The following SDK1 variants were observed in gnomAD, a reference collection of about 807,000 sequenced individuals.
The protein encoded by SDK1 is protein sidekick-1.
SDK1 carries 157 observed loss-of-function variants against 245.5 expected under a neutral mutation model. The ratio of observed to expected loss-of-function variants is 0.64; its 90% CI spans 0.56 to 0.73. The LOEUF is 0.73. Among genes scored for constraint, SDK1 ranks in the 30% least tolerant of loss-of-function variants. SDK1 has a pLI of 0.00. For missense variants in SDK1, 3,583 were observed against 3,002.3 expected (o/e 1.19, Z -4.52); for synonymous variants, 1,647 against 1,278.5 (o/e 1.29, Z -6.15).
chr7:3,425,131 TA>T (rs1438025264), intron 1 of SDK1, among the ~76,000 whole-genome samples: 8 of 129,736 alleles, frequency 6.2e-5, no homozygotes. Context: ...TTTTTTTTTT[TA>T]AGTAGTAGAC....
intron 44 of SDK1, among the ~76,000 whole-genome samples, chr7:4,250,520 T>C (rs1787227163): frequency 6.6e-6 from 1 of 152,156 alleles, no homozygotes; most frequent in African/African-American, 2.4e-5. Context: ...ATTTTTGGTA[T>C]TTTTATTAGA....
intron 1 of SDK1, among the ~76,000 whole-genome samples, chr7:3,614,373 C>T (rs984249097): frequency 1.3e-5 from 2 of 152,084 alleles, no homozygotes; most frequent in Non-Finnish European, 2.9e-5. Flanking sequence ...GCTCATTTTC[C>T]TGAGGAAGGG....
Position 4,267,615 on chromosome 7 carries a change from C to T in SDK1, c.*2231C>T, listed in dbSNP as rs867856690. The T allele has an allele frequency of 1.0e-6, 1 of 985,470 alleles. No homozygotes were observed. The highest frequency in any genetic ancestry group is 1.2e-6 in the Non-Finnish European group (1 of 829,944). The allele number at this position is 985,470 out of a possible 1,614,324, so 61.0% of individuals were successfully genotyped here. ...CTTTCTGTGCACTCTGATGACTGCT[C>T]TCTGCAGCCATGAGGATGTGGCTTT... On this transcript the variant is annotated 3_prime_UTR_variant, in exon 45 of 45. Coordinates refer to ENST00000404826, the MANE Select transcript of SDK1 (RefSeq NM_152744.4).
chr7:3,766,436 T>A (rs1780254749), intron 4 of SDK1, among the ~76,000 whole-genome samples: 1 of 152,162 alleles, frequency 6.6e-6, no homozygotes, highest in African/African-American at 2.4e-5. Flanking sequence ...TTAATCCAGC[T>A]CCCCTACACC....
intron 17 of SDK1, among the ~76,000 whole-genome samples, chr7:4,039,812 T>C (rs1221284776): frequency 6.6e-6 from 1 of 152,164 alleles, no homozygotes; most frequent in Non-Finnish European, 1.5e-5. Flanking sequence ...ACATCATCAC[T>C]AGCCAGAAAC....
rs371722270 is a variant in SDK1, at chr7:3,387,738, A to G, written c.298+85854A>G. ...GGTGGTAATCTTTTGTTACCTGTCT[A>G]TTACCACAATAAAAATGGAAAAATA... On this transcript the variant is annotated intron_variant, in intron 1 of 44. Transcript: ENST00000404826. Among the ~76,000 whole-genome samples, 158 of 152,350 alleles carry G rather than the reference A, an allele frequency of 1.0e-3. 4 individuals are homozygous for G. The South Asian group carries it at 0.032, about 31-fold the overall frequency.
At chr7:3,851,593 C>T (rs1289537718) in intron 5 of SDK1, among the ~76,000 whole-genome samples, 2 of 152,154 alleles carry the variant, frequency 1.3e-5, no homozygotes, top group African/African-American at 2.4e-5. Flanking sequence ...CCAATCATGC[C>T]GGTGTTATGA....
chr7:3,861,753 C>G (rs570733747), intron 5 of SDK1, among the ~76,000 whole-genome samples: 1 of 152,222 alleles, frequency 6.6e-6, no homozygotes, highest in East Asian at 1.9e-4. Context: ...AAGTAGCAAA[C>G]TTCACATGGC....
chr7:4,196,178 G>A (rs959877712), intron 35 of SDK1, among the ~76,000 whole-genome samples: 10 of 152,254 alleles, frequency 6.6e-5, no homozygotes, highest in Admixed American at 6.5e-4. Flanking sequence ...TCAAGGCCTC[G>A]GCTTGCTTGG....
chr7:3,312,797 A>G (rs1489067634), intron 1 of SDK1, among the ~76,000 whole-genome samples: 1 of 152,184 alleles, frequency 6.6e-6, no homozygotes, highest in African/African-American at 2.4e-5. Context: ...GAAAGAGGAA[A>G]TAGAGTAGGA....
At chr7:4,156,686 A>C (rs1032002976) in intron 30 of SDK1, among the ~76,000 whole-genome samples, 1 of 152,222 alleles carries the variant, frequency 6.6e-6, no homozygotes, top group Admixed American at 6.5e-5. Context: ...TAAAAAGCAG[A>C]ATCCTTCCTT....
At chr7:4,001,983 G>A (rs1210328065) in intron 14 of SDK1, among the ~76,000 whole-genome samples, 4 of 152,192 alleles carry the variant, frequency 2.6e-5, no homozygotes, top group South Asian at 2.1e-4. Context: ...TCATCTGGGG[G>A]CCCTCGCAGT....
intron 14 of SDK1, among the ~76,000 whole-genome samples, chr7:3,991,253 C>T (rs1784292181): frequency 6.6e-6 from 1 of 152,144 alleles, no homozygotes; most frequent in Non-Finnish European, 1.5e-5. Flanking sequence ...GAAACAACTG[C>T]CCGTGAGATG....
In SDK1 at chr7:3,845,488, CA is replaced by C. The variant is rs369588343; in HGVS notation, c.847+23929del. 9.8e-3 allele frequency among the ~76,000 whole-genome samples: 394 copies of C among 40,190 alleles called. 1 individual carries two copies. Among genetic ancestry groups the C allele is most frequent in the African/African-American group, 0.02 (239 of 11,850 alleles). 26.4% of individuals were successfully genotyped at this position (40,190 alleles called of 152,430 possible). ...CTGGTGACAGAGTGAGACTCCGTCT[CA>C]AAAAAAAAAAAAAAAAAAAAAAAGG... On this transcript the variant is annotated intron_variant, in intron 5 of 44. Coordinates refer to ENST00000404826, the MANE Select transcript of SDK1 (RefSeq NM_152744.4).
chr7:3,561,830 T>A (rs138363790), intron 1 of SDK1, among the ~76,000 whole-genome samples: 271 of 152,352 alleles, frequency 1.8e-3, no homozygotes, highest in Non-Finnish European at 3.1e-3. Context: ...CAAAATTCAT[T>A]ATAAGACTGG....
At chr7:3,463,087 A>G (rs1466590027) in intron 1 of SDK1, among the ~76,000 whole-genome samples, 1 of 151,932 alleles carries the variant, frequency 6.6e-6, no homozygotes, top group Non-Finnish European at 1.5e-5. Context: ...CCCTTCCTTC[A>G]TCAACTTGTT....
chr7:3,605,688 C>T (rs1049192287), intron 1 of SDK1, among the ~76,000 whole-genome samples: 3 of 151,940 alleles, frequency 2.0e-5, no homozygotes, highest in East Asian at 1.9e-4. Context: ...GGGATACCAA[C>T]TGGGTATACT....
intron 4 of SDK1, among the ~76,000 whole-genome samples, chr7:3,648,771 G>A (rs1313658460): frequency 2.6e-5 from 4 of 152,126 alleles, no homozygotes; most frequent in African/African-American, 9.7e-5. Flanking sequence ...GAGTATATGT[G>A]TGAACCGAGC....
intron 5 of SDK1, among the ~76,000 whole-genome samples, chr7:3,921,616 G>A (rs914695491): frequency 6.6e-6 from 1 of 152,056 alleles, no homozygotes; most frequent in African/African-American, 2.4e-5. Flanking sequence ...AGGAAATGAG[G>A]GAATCTAAAG....
Sources: gnomAD v4.1 joint callset for allele counts (sites outside exome capture counted in the v4.1 genomes callset) on GRCh38, gnomAD v4.1.1 for gene constraint, MANE v1.5 for transcripts, NCBI Gene and HGNC (gene_info 2026-07-23, HGNC 2026-07-21) for gene names.